C2orf76: variants seen among roughly 807,000 people sequenced by gnomAD.
C2orf76 encodes the protein chromosome 2 open reading frame 76.
Under a neutral mutation model 16.9 loss-of-function variants are expected in C2orf76, and 23 were observed. The observed-to-expected ratio is 1.36, with a 90% CI of 0.98 to 1.93. The LOEUF (loss-of-function observed/expected upper bound fraction) is 1.93. Ranked by LOEUF, C2orf76 falls within the 30% of genes most tolerant of loss-of-function variation. The pLI, the probability that C2orf76 is intolerant of heterozygous loss-of-function variation, is 0.00. For missense variants in C2orf76, 152 were observed against 152.6 expected, an observed-to-expected ratio of 1.00 and a Z score of 0.02; for synonymous variants, 48 against 52.3, an observed-to-expected ratio of 0.92 and a Z score of 0.35.
At chr2:119,307,243 C>T (rs1678819094) in intron 5 of C2orf76, among the ~76,000 whole-genome samples, 1 of 149,508 alleles carries the variant, frequency 6.7e-6, no homozygotes, top group Admixed American at 6.7e-5. Context: ...AGTTCAAGAC[C>T]AGCCTGGCCA....
At position 119,365,641 on chromosome 2, in the gene C2orf76, C is replaced by CT. The variant is rs377364121; in HGVS notation, c.-13+1148dup. ...TATGAATTAGAGAGGAATGACTTTG[C>CT]TTTTTTAATGATCTCCAGAGAATTT... On this transcript the variant is annotated intron_variant, in intron 1 of 5. Coordinates refer to ENST00000334816, the MANE Select transcript of C2orf76 (RefSeq NM_001322331.2). Among the ~76,000 whole-genome samples the CT allele has an allele frequency of 4.0e-3, 613 of 152,234 alleles. 4 individuals carry two copies. Among genetic ancestry groups the CT allele is most frequent in the African/African-American group, 0.011 (464 of 41,532 alleles).
At chr2:119,327,654 A>C (rs1221542704) in intron 2 of C2orf76, among the ~76,000 whole-genome samples, 1 of 151,982 alleles carries the variant, frequency 6.6e-6, no homozygotes, top group Admixed American at 6.6e-5. Context: ...ATGGCATGCT[A>C]TGTGGCATGC....
chr2:119,348,700 AAAG>A (rs1290272459), intron 1 of C2orf76, among the ~76,000 whole-genome samples: 8 of 151,926 alleles, frequency 5.3e-5, no homozygotes, highest in African/African-American at 1.9e-4. Flanking sequence ...AAAAAAAAGA[AAAG>A]AAGTTAAAGG....
the C2orf76 span, among the ~76,000 whole-genome samples, chr2:119,285,554 C>G: frequency 6.6e-6 from 1 of 152,180 alleles, no homozygotes; most frequent in South Asian, 2.1e-4. Flanking sequence ...CAACACCTGA[C>G]CAACTCAAAT....
chr2:119,283,595 C>T, the C2orf76 span, among the ~76,000 whole-genome samples: 1 of 152,110 alleles, frequency 6.6e-6, no homozygotes, highest in Non-Finnish European at 1.5e-5. Flanking sequence ...CTGCCCCAGC[C>T]TCTGGAGTAG....
intron 1 of C2orf76, among the ~76,000 whole-genome samples, chr2:119,362,743 T>C (rs1282200755): frequency 6.6e-6 from 1 of 152,154 alleles, no homozygotes; most frequent in Non-Finnish European, 1.5e-5. Flanking sequence ...CCTAGGATAC[T>C]TCCCTATCAG....
intron 2 of C2orf76, among the ~76,000 whole-genome samples, chr2:119,336,711 G>T (rs1679857823): frequency 6.6e-6 from 1 of 151,932 alleles, no homozygotes; most frequent in Admixed American, 6.6e-5. Flanking sequence ...AAGAAAGAAA[G>T]GCAATAAAGT....
the C2orf76 span, among the ~76,000 whole-genome samples, chr2:119,283,631 C>T: frequency 3.9e-5 from 6 of 152,054 alleles, no homozygotes; most frequent in Admixed American, 3.3e-4. Context: ...CCCACCACCA[C>T]GCCCAGCTAA....
chr2:119,298,785 T>A (rs1678574319), downstream of C2orf76, among the ~76,000 whole-genome samples: 1 of 152,180 alleles, frequency 6.6e-6, no homozygotes, highest in South Asian at 2.1e-4. Flanking sequence ...AGTCTCTTAG[T>A]TCAAAAAAAA....
chr2:119,354,132 T>C (rs1009781360), intron 1 of C2orf76, among the ~76,000 whole-genome samples: 10 of 152,202 alleles, frequency 6.6e-5, no homozygotes, highest in Non-Finnish European at 1.2e-4. Context: ...TCCCCAAATA[T>C]GTACAATTAC....
upstream of C2orf76, chr2:119,366,981 C>T (rs951755253): frequency 1.9e-6 from 3 of 1,603,208 alleles, no homozygotes; most frequent in Non-Finnish European, 2.6e-6. Context: ...CTTGCCAGTG[C>T]AATCTGGGCG....
chr2:119,284,433 C>A, the C2orf76 span, among the ~76,000 whole-genome samples: 12 of 152,324 alleles, frequency 7.9e-5, no homozygotes, highest in Non-Finnish European at 1.3e-4. Context: ...CACAGCAGGT[C>A]TCTGGCAACC....
chr2:119,307,842 C>T (rs1678848490), intron 5 of C2orf76, among the ~76,000 whole-genome samples: 1 of 152,178 alleles, frequency 6.6e-6, no homozygotes, highest in African/African-American at 2.4e-5. Context: ...TTAATCACAA[C>T]AAGACCAACA....
intron 1 of C2orf76, among the ~76,000 whole-genome samples, chr2:119,352,816 T>C (rs1039527321): frequency 1.3e-5 from 2 of 152,248 alleles, no homozygotes; most frequent in African/African-American, 2.4e-5. Flanking sequence ...AGAGAGAGTG[T>C]ATTAGAGTGA....
chr2:119,359,336 CCTG>C (rs1285249659), intron 1 of C2orf76, among the ~76,000 whole-genome samples: 2 of 152,192 alleles, frequency 1.3e-5, no homozygotes, highest in Non-Finnish European at 2.9e-5. Context: ...TGTTTTCATG[CCTG>C]CTACCACAAT....
chr2:119,355,630 G>A (rs556842050), intron 1 of C2orf76, among the ~76,000 whole-genome samples: 5 of 152,146 alleles, frequency 3.3e-5, no homozygotes, highest in African/African-American at 7.2e-5. Flanking sequence ...TCATAGGAGC[G>A]TGAACCCTAT....
At chr2:119,355,938 C>G (rs1680557053) in intron 1 of C2orf76, among the ~76,000 whole-genome samples, 1 of 152,136 alleles carries the variant, frequency 6.6e-6, no homozygotes, top group African/African-American at 2.4e-5. Flanking sequence ...CATCCTGCAC[C>G]ACAGGAAAAA....
At chr2:119,340,775 C>T (rs1466285893) in intron 1 of C2orf76, among the ~76,000 whole-genome samples, 1 of 151,118 alleles carries the variant, frequency 6.6e-6, no homozygotes, top group African/African-American at 2.4e-5. Flanking sequence ...CACACACACA[C>T]ACACACACAC....
intron 2 of C2orf76, among the ~76,000 whole-genome samples, chr2:119,326,084 T>C (rs1679501803): frequency 6.6e-6 from 1 of 152,238 alleles, no homozygotes; most frequent in South Asian, 2.1e-4. Context: ...TTTTTAATTT[T>C]GCTAAAGCCC....
Sources: gnomAD v4.1 joint callset for allele counts (sites outside exome capture counted in the v4.1 genomes callset) on GRCh38, gnomAD v4.1.1 for gene constraint, MANE v1.5 for transcripts, NCBI Gene and HGNC (gene_info 2026-07-23, HGNC 2026-07-21) for gene names.